CCAR2: variants seen among roughly 807,000 people sequenced by gnomAD.
The protein encoded by CCAR2 is cell cycle and apoptosis regulator 2.
A neutral mutation model predicts 108.1 loss-of-function variants in CCAR2; 21 were observed. That is an observed-to-expected ratio of 0.19 (90% CI 0.14 to 0.28). The LOEUF is 0.28. Among genes scored for constraint, CCAR2 ranks in the 10% least tolerant of loss-of-function variants. The probability of loss-of-function intolerance (pLI) is 1.00; values close to 1 mark genes in which losing one functional copy is unlikely to be tolerated. For missense variants in CCAR2, 1,126 were observed against 1,177.0 expected, an observed-to-expected ratio of 0.96 and a Z score of 0.63; for synonymous variants, 577 against 472.8, an observed-to-expected ratio of 1.22 and a Z score of -2.86.
chr8:22,611,818 G>A (rs766640245), intron 7 of CCAR2, among the ~76,000 whole-genome samples: 5 of 152,122 alleles, frequency 3.3e-5, no homozygotes, highest in Non-Finnish European at 7.3e-5. Context: ...TCCACTATGT[G>A]TAGTCTTTCT....
intron 14 of CCAR2, 182 bp from the exon 15 acceptor site, chr8:22,617,238 C>T (rs771025976): frequency 1.7e-5 from 11 of 629,274 alleles, no homozygotes; most frequent in South Asian, 4.7e-5. Flanking sequence ...AGGTGTCTGG[C>T]GATGCCCTGG....
At chr8:22,608,971 A>G (rs780862088) in intron 7 of CCAR2, among the ~76,000 whole-genome samples, 4 of 152,164 alleles carry the variant, frequency 2.6e-5, no homozygotes, top group Non-Finnish European at 4.4e-5. Context: ...TTTAACGTGG[A>G]ACTTATGTAG....
Position 22,619,868 on chromosome 8 carries a change from T to C in CCAR2, c.*186T>C. 1.6e-6 allele frequency: 1 copy of C among 613,100 alleles called. No homozygotes were observed. Among genetic ancestry groups the C allele is most frequent in the South Asian group, 2.0e-5 (1 of 50,996 alleles). 38.0% of individuals were successfully genotyped at this position (613,100 alleles called of 1,614,324 possible). On this transcript the variant is annotated 3_prime_UTR_variant, in exon 21 of 21. Transcript: ENST00000308511. ...GGGGCTGTGCTATGTGGGATGGATG[T>C]GTGAGGAACCCCGGTTCCACTTAAC...
Position 22,614,830 on chromosome 8 carries a change from TC to T in CCAR2, c.1042-7del. On this transcript the variant is annotated splice_region_variant and splice_polypyrimidine_tract_variant and intron_variant, in intron 10 of 20. Coordinates refer to ENST00000308511, the MANE Select transcript of CCAR2 (RefSeq NM_001393997.1). ...TTTTTGTTTTGTATCCCTGATCTCT[TC>T]TTGCAGTTTTTGCTGGGCAGGAAAG... is the stretch of plus-strand genomic sequence containing the variant. The T allele has an allele frequency of 1.2e-6, 2 of 1,613,916 alleles. No homozygotes were observed. The highest frequency in any genetic ancestry group is 2.7e-5 in the African/African-American group (2 of 75,064).
rs1563928488 is a variant in CCAR2 at position 22,618,814 on chromosome 8, C to CGGTTCTCT, written c.2333-12_2333-5dup. On this transcript the variant is annotated splice_polypyrimidine_tract_variant and intron_variant, in intron 18 of 20. Transcript: ENST00000308511. ...AGACTCCATCCTGAATTCTTTTTCA[C>CGGTTCTCT]GGTTCTCTCTAGGAAACCTGGACCT... 2.5e-6 allele frequency: 4 copies of CGGTTCTCT among 1,612,870 alleles called. No homozygotes were observed. The highest frequency in any genetic ancestry group is 3.4e-6 in the Non-Finnish European group (4 of 1,179,634).
chr8:22,615,650 C>G, intron 12 of CCAR2, 32 bp from the exon 13 acceptor site: 4 of 1,613,716 alleles, frequency 2.5e-6, no homozygotes, highest in Non-Finnish European at 2.5e-6. Context: ...AATCCCGGGA[C>G]CCAGAGGGTC....
At chr8:22,614,014 T>C in intron 8 of CCAR2, 78 bp from the exon 9 acceptor site, 31 of 1,404,936 alleles carry the variant, frequency 2.2e-5, no homozygotes, top group Non-Finnish European at 2.8e-5. Flanking sequence ...ATTCGCCCAT[T>C]TTTTCAAATC....
In CCAR2 at chr8:22,610,663, A is replaced by C. The variant is rs546941646; in HGVS notation, c.585-2354A>C. Among the ~76,000 whole-genome samples the C allele has an allele frequency of 2.8e-4, 43 of 152,366 alleles. 1 individual carries two copies. The highest frequency in any genetic ancestry group is 3.4e-3 in the Middle Eastern group (1 of 294). The stretch of plus-strand genomic sequence containing the variant: ...CACTTTTGGATGGAGATGCTCATGC[A>C]CATGGAAGTGACCAAGGCCAACAGA... On this transcript the variant is annotated intron_variant, in intron 7 of 20. Coordinates refer to ENST00000308511, the MANE Select transcript of CCAR2 (RefSeq NM_001393997.1).
intron 16 of CCAR2, chr8:22,618,084 T>C: frequency 1.7e-6 from 1 of 586,526 alleles, no homozygotes; most frequent in Non-Finnish European, 3.0e-6. Context: ...AGGTGCTTGA[T>C]GTTTTGTTTT....
intron 7 of CCAR2, among the ~76,000 whole-genome samples, chr8:22,609,143 C>G (rs1287134373): frequency 1.3e-5 from 2 of 149,952 alleles, no homozygotes; most frequent in Non-Finnish European, 2.9e-5. Context: ...CTTGATCTCT[C>G]TGGCACAAGC....
In CCAR2 at chr8:22,615,720, G is replaced by A. The variant is rs753824295; in HGVS notation, c.1416G>A (p.Glu472=). ...EPTEQAPDAL[E]QAADTSRRNA... Reference sequence around the variant, plus strand: ...CTGAACAGGCACCTGATGCCTTGGAGCAAGCAGCAGACACTTCTAGACGGA... The same window carrying A: ...CTGAACAGGCACCTGATGCCTTGGAACAAGCAGCAGACACTTCTAGACGGA... The change falls in exon 13 of 21, where the codon GAG becomes GAA. Residue 472 remains glutamate (E), a synonymous_variant. Transcript: ENST00000308511. 1.2e-6 allele frequency: 2 copies of A among 1,613,734 alleles called. No homozygotes were observed. The highest frequency in any genetic ancestry group is 1.7e-6 in the Non-Finnish European group (2 of 1,180,004).
intron 3 of CCAR2, 49 bp downstream of exon 3, chr8:22,606,225 C>T (rs200918241): frequency 2.7e-5 from 37 of 1,359,742 alleles, no homozygotes; most frequent in Admixed American, 5.1e-5. Context: ...GGACTGAATG[C>T]ATGGAGGCCT....
At chr8:22,615,265 T>C in intron 11 of CCAR2, 160 bp from the exon 12 acceptor site, 2 of 987,342 alleles carry the variant, frequency 2.0e-6, no homozygotes, top group Non-Finnish European at 3.0e-6. Flanking sequence ...TGATCATTTC[T>C]TGAGGACTTG....
downstream of CCAR2, chr8:22,620,841 G>A (rs573975435): frequency 5.6e-3 from 856 of 152,448 alleles, 8 homozygotes; most frequent in South Asian, 0.036. Flanking sequence ...TTGCGTTCCC[G>A]AGGTACCAGT....
rs769466656 is a variant in CCAR2 at position 22,618,503 on chromosome 8, C to T, written c.2220+8C>T. On this transcript the variant is annotated splice_region_variant and intron_variant, in intron 17 of 20. Transcript: ENST00000308511. ...CGGCTCAGTGCAGAGCAGGTACCTT[C>T]TTTCCTCTGCCCCAGCACATGGGCA... The T allele has an allele frequency of 3.1e-6, 5 of 1,614,206 alleles. No homozygotes were observed. The Admixed American group carries it at 5.0e-5, about 16-fold the overall frequency.
Position 22,607,040 on chromosome 8 carries a change from T to G in CCAR2, c.357+16T>G. ...CTCCAACCAGGTATTCATATCTCCT[T>G]AGCATGTGCATTGGAAAGGGAAGGG... On this transcript the variant is annotated intron_variant, in intron 5 of 20. Coordinates refer to ENST00000308511, the MANE Select transcript of CCAR2 (RefSeq NM_001393997.1). 2 of 1,612,250 alleles carry G rather than the reference T, an allele frequency of 1.2e-6. No individual in the cohort carries two copies. The highest frequency in any genetic ancestry group is 8.5e-7 in the Non-Finnish European group (1 of 1,178,538).
intron 1 of CCAR2, chr8:22,605,117 G>A (rs1042530473): frequency 2.1e-5 from 5 of 241,706 alleles, no homozygotes; most frequent in African/African-American, 4.8e-5. Flanking sequence ...GGAGCGGAGG[G>A]CCCGGGAGCG....
downstream of CCAR2, chr8:22,621,471 T>C (rs965617197): frequency 6.2e-7 from 1 of 1,613,776 alleles, no homozygotes; most frequent in African/African-American, 1.3e-5. Context: ...GAGTTTGGCC[T>C]CGTTCTCCCG....
rs200087292 is a variant in CCAR2, at chr8:22,618,441, G to A, written c.2166G>A (p.Arg722=). The A allele has an allele frequency of 9.3e-6, 15 of 1,614,106 alleles. No homozygotes were observed. The highest frequency in any genetic ancestry group is 1.3e-5 in the African/African-American group (1 of 74,926). ...FDANWCGYLH[R]RDLERILLTL... ...CCAACTGGTGTGGCTACTTGCACCG[G>A]CGAGACTTAGAGAGGATCCTCCTTA... The change falls in exon 17 of 21, where the codon CGG becomes CGA. Residue 722 remains arginine (R), a synonymous_variant. Coordinates refer to ENST00000308511, the MANE Select transcript of CCAR2 (RefSeq NM_001393997.1).
Sources: gnomAD v4.1 joint callset for allele counts (sites outside exome capture counted in the v4.1 genomes callset) on GRCh38, gnomAD v4.1.1 for gene constraint, MANE v1.5 for transcripts, NCBI Gene and HGNC (gene_info 2026-07-23, HGNC 2026-07-21) for gene names.